TMEM213: variants seen among roughly 807,000 people sequenced by gnomAD.
TMEM213 encodes transmembrane protein 213.
Under a neutral mutation model 11.6 loss-of-function variants are expected in TMEM213, and 7 were observed. The ratio of observed to expected loss-of-function variants is 0.60; its 90% confidence interval spans 0.34 to 1.13. TMEM213 has a LOEUF of 1.13. Ranked by LOEUF, TMEM213 falls within the 50% of genes most tolerant of loss-of-function variation. The probability of loss-of-function intolerance (pLI) is 0.03; values close to 1 mark genes in which losing one functional copy is unlikely to be tolerated. For synonymous variants in TMEM213, 60 were observed against 58.3 expected (o/e 1.03, Z -0.13); for missense variants, 129 against 139.0 (o/e 0.93, Z 0.36).
In TMEM213 at chr7:138,802,780, G is replaced by C. The variant is rs950283113; in HGVS notation, c.155-120G>C. On this transcript the variant is annotated intron_variant, in intron 2 of 2. Coordinates refer to ENST00000442682, the MANE Select transcript of TMEM213 (RefSeq NM_001085429.2). Reference sequence around the variant, plus strand: ...AAGCACGCAGCACAGTGCATGGCACGTAGTAGGCCTCATCAGTGTCAGCTA... The same window carrying C: ...AAGCACGCAGCACAGTGCATGGCACCTAGTAGGCCTCATCAGTGTCAGCTA... 37 of 1,053,598 alleles carry C rather than the reference G, an allele frequency of 3.5e-5. No homozygotes were observed. In the Admixed American group the frequency reaches 3.8e-4, roughly 11 times the overall value. 65.3% of individuals were successfully genotyped at this position (1,053,598 alleles called of 1,614,324 possible).
At chr7:138,798,997 C>T (rs1808832324) in intron 1 of TMEM213, among the ~76,000 whole-genome samples, 2 of 152,190 alleles carry the variant, frequency 1.3e-5, no homozygotes, top group South Asian at 4.1e-4. Flanking sequence ...TCTGTAGCCA[C>T]TGCCAGGGGT....
chr7:138,801,499 A>G, intron 2 of TMEM213, 101 bp downstream of exon 2: 1 of 1,177,936 alleles, frequency 8.5e-7, no homozygotes, highest in Non-Finnish European at 1.2e-6. Flanking sequence ...TCAAGTGGGC[A>G]AGGGCCTGCC....
rs1809006019 is a variant in TMEM213, at chr7:138,803,261, A to C, written c.*192A>C. ...AGTGCTGCCCTTGCATGTCACTCCC[A>C]AGGGCCCCTGGGCTGTGCCCAGGTA... On this transcript the variant is annotated 3_prime_UTR_variant, in exon 3 of 3. Coordinates refer to ENST00000442682, the MANE Select transcript of TMEM213 (RefSeq NM_001085429.2). The C allele has an allele frequency of 1.0e-5, 7 of 676,360 alleles. No homozygotes were observed. Among genetic ancestry groups the C allele is most frequent in the Non-Finnish European group, 1.7e-5 (7 of 416,786 alleles). The allele number at this position is 676,360 out of a possible 1,614,324, so 41.9% of individuals were successfully genotyped here. A position where few individuals can be genotyped will look rare whatever the true frequency, so the allele number is the denominator to read the frequency against.
intron 1 of TMEM213, among the ~76,000 whole-genome samples, chr7:138,799,931 C>T (rs1179771760): frequency 6.6e-6 from 1 of 152,084 alleles, no homozygotes; most frequent in Non-Finnish European, 1.5e-5. Flanking sequence ...GCTGTGACAA[C>T]AAGCTCCCTT....
chr7:138,802,803 C>A, intron 2 of TMEM213, 97 bp from the exon 3 acceptor site: 1 of 1,302,060 alleles, frequency 7.7e-7, no homozygotes, highest in Non-Finnish European at 1.0e-6. Flanking sequence ...TCAGTGTCAG[C>A]TACCGTGCTG....
Position 138,803,118 on chromosome 7 carries a change from A to G in TMEM213, c.*49A>G. ...GGTGATCGCCACCAATTTGTGGCTA[A>G]TGGGGAAGGGGAGTAAGGCTAACAT... is the stretch of plus-strand genomic sequence containing the variant. On this transcript the variant is annotated 3_prime_UTR_variant, in exon 3 of 3. Transcript: ENST00000442682. 6.3e-7 allele frequency: 1 copy of G among 1,586,674 alleles called. No homozygotes were observed. The highest frequency in any genetic ancestry group is 8.6e-7 in the Non-Finnish European group (1 of 1,166,678).
Position 138,803,228 on chromosome 7 carries a change from G to A in TMEM213, c.*159G>A, listed in dbSNP as rs147140722. 304 of 978,260 alleles carry A rather than the reference G, an allele frequency of 3.1e-4. No individual in the cohort carries two copies. The African/African-American group carries it at 4.6e-3, about 15-fold the overall frequency. The allele number at this position is 978,260 out of a possible 1,614,324, so 60.6% of individuals were successfully genotyped here. On this transcript the variant is annotated 3_prime_UTR_variant, in exon 3 of 3. Coordinates refer to ENST00000442682, the MANE Select transcript of TMEM213 (RefSeq NM_001085429.2). ...AAGAAAGAGCGGGAGAACCAAATAAGGCAAGCCAGTGCTGCCCTTGCATGT... is the reference window on the plus strand; with the variant it reads ...AAGAAAGAGCGGGAGAACCAAATAAAGCAAGCCAGTGCTGCCCTTGCATGT...
At position 138,800,708 on chromosome 7, in the gene TMEM213, T is replaced by C. The variant is rs868450099; in HGVS notation, c.83-619T>C. ...CTTCTTCTTCTTCTTCTTCTTCTTT[T>C]TTTTTTTTTTTTAGACGGAGTTTCA... On this transcript the variant is annotated intron_variant, in intron 1 of 2. Coordinates refer to ENST00000442682, the MANE Select transcript of TMEM213 (RefSeq NM_001085429.2). 2.3e-3 allele frequency among the ~76,000 whole-genome samples: 338 copies of C among 148,012 alleles called. 3 individuals are homozygous for C. The highest frequency in any genetic ancestry group is 0.011 in the South Asian group (53 of 4,672).
intron 1 of TMEM213, among the ~76,000 whole-genome samples, chr7:138,800,482 G>A (rs1336462819): frequency 5.3e-5 from 8 of 152,024 alleles, no homozygotes; most frequent in East Asian, 1.9e-4. Flanking sequence ...TATGTGCTGC[G>A]TATTCTGGCA....
At position 138,805,531 on chromosome 7, in the gene TMEM213, A is replaced by C. The variant is rs1266292529; in HGVS notation, c.*2462A>C. On this transcript the variant is annotated 3_prime_UTR_variant, in exon 3 of 3. Transcript: ENST00000442682. Reference sequence around the variant, plus strand: ...GTGACGGTTTATTTCCCAAGAGATGAAAAGATTCATTAAGGTGCATGCTTT... The same window carrying C: ...GTGACGGTTTATTTCCCAAGAGATGCAAAGATTCATTAAGGTGCATGCTTT... 6.6e-6 allele frequency: 1 copy of C among 152,216 alleles called. No individual in the cohort carries two copies. The highest frequency in any genetic ancestry group is 1.9e-4 in the East Asian group (1 of 5,204). The allele number at this position is 152,216 out of a possible 1,614,324, so 9.4% of individuals were successfully genotyped here.
At position 138,806,109 on chromosome 7, in the gene TMEM213, T is replaced by G. The variant is rs1809096303; in HGVS notation, c.*3040T>G. ...TCCTTGAGACTGCAAAGAAAATGGT[T>G]CTATAGTTTGATGGTTCTACTTCCC... is the stretch of plus-strand genomic sequence containing the variant. On this transcript the variant is annotated 3_prime_UTR_variant, in exon 3 of 3. Transcript: ENST00000442682. 6.6e-6 allele frequency: 1 copy of G among 152,212 alleles called. No homozygotes were observed. The highest frequency in any genetic ancestry group is 2.4e-5 in the African/African-American group (1 of 41,444). The allele number at this position is 152,212 out of a possible 1,614,324, so 9.4% of individuals were successfully genotyped here.
chr7:138,801,177 C>T, intron 1 of TMEM213, 150 bp from the exon 2 acceptor site: 1 of 705,920 alleles, frequency 1.4e-6, no homozygotes, highest in East Asian at 2.7e-5. Context: ...AGGGAGTTAG[C>T]TTTGTTGCAG....
In TMEM213 at chr7:138,805,087, G is replaced by T. The variant is rs562565651; in HGVS notation, c.*2018G>T. 6.6e-5 allele frequency: 10 copies of T among 152,258 alleles called. No individual in the cohort carries two copies. Among genetic ancestry groups the T allele is most frequent in the African/African-American group, 2.4e-4 (10 of 41,556 alleles). The allele number at this position is 152,258 out of a possible 1,614,324, so 9.4% of individuals were successfully genotyped here. On this transcript the variant is annotated 3_prime_UTR_variant, in exon 3 of 3. Coordinates refer to ENST00000442682, the MANE Select transcript of TMEM213 (RefSeq NM_001085429.2). ...CTGAAGAGATTGCCTGGTTCATCTT[G>T]TAGTCTTCCAAAACAGCAGATAATT...
chr7:138,799,978 G>T (rs1428628369), intron 1 of TMEM213, among the ~76,000 whole-genome samples: 1 of 151,964 alleles, frequency 6.6e-6, no homozygotes, highest in Non-Finnish European at 1.5e-5. Context: ...GGAACCTTGA[G>T]AGTTTCCATG....
Position 138,803,230 on chromosome 7 carries a change from C to A in TMEM213, c.*161C>A. On this transcript the variant is annotated 3_prime_UTR_variant, in exon 3 of 3. Coordinates refer to ENST00000442682, the MANE Select transcript of TMEM213 (RefSeq NM_001085429.2). The stretch of plus-strand genomic sequence containing the variant: ...GAAAGAGCGGGAGAACCAAATAAGG[C>A]AAGCCAGTGCTGCCCTTGCATGTCA... 1.1e-6 allele frequency: 1 copy of A among 922,742 alleles called. No homozygotes were observed. The highest frequency in any genetic ancestry group is 2.6e-5 in the Admixed American group (1 of 38,970). The allele number at this position is 922,742 out of a possible 1,614,324, so 57.2% of individuals were successfully genotyped here.
chr7:138,802,822 C>T, intron 2 of TMEM213, 78 bp from the exon 3 acceptor site: 1 of 1,420,080 alleles, frequency 7.0e-7, no homozygotes. Flanking sequence ...TGTGATTGTT[C>T]TGTTAATATT....
At chr7:138,800,197 G>A (rs779252236) in intron 1 of TMEM213, among the ~76,000 whole-genome samples, 16 of 152,198 alleles carry the variant, frequency 1.1e-4, no homozygotes, top group Non-Finnish European at 2.1e-4. Context: ...AGTCACACGC[G>A]GCAATGGAAC....
chr7:138,803,129 G>C lies in TMEM213; in HGVS notation c.*60G>C, dbSNP rs796141023. The C allele has an allele frequency of 6.4e-7, 1 of 1,552,528 alleles. No homozygotes were observed. The highest frequency in any genetic ancestry group is 8.7e-7 in the Non-Finnish European group (1 of 1,143,534). ...CCAATTTGTGGCTAATGGGGAAGGG[G>C]AGTAAGGCTAACATGGTTTCTATTA... On this transcript the variant is annotated 3_prime_UTR_variant, in exon 3 of 3. Coordinates refer to ENST00000442682, the MANE Select transcript of TMEM213 (RefSeq NM_001085429.2).
intron 2 of TMEM213, chr7:138,801,697 G>T: frequency 2.6e-6 from 1 of 386,720 alleles, no homozygotes; most frequent in Non-Finnish European, 4.7e-6. Context: ...AGGTGGAAAG[G>T]CCATAAGAAA....
Sources: gnomAD v4.1 joint callset for allele counts (sites outside exome capture counted in the v4.1 genomes callset) on GRCh38, gnomAD v4.1.1 for gene constraint, MANE v1.5 for transcripts, NCBI Gene and HGNC (gene_info 2026-07-23, HGNC 2026-07-21) for gene names.